EFCAB11: variants seen among roughly 807,000 people sequenced by gnomAD.
EFCAB11 encodes EF-hand calcium-binding domain-containing protein 11.
Under a neutral mutation model 23.0 loss-of-function variants are expected in EFCAB11, and 14 were observed. The ratio of observed to expected loss-of-function variants is 0.61; its 90% CI spans 0.40 to 0.95. The LOEUF (loss-of-function observed/expected upper bound fraction) is 0.95, where lower values mean the gene tolerates loss of function less well. EFCAB11 is among the 40% of genes least tolerant of loss of function. The pLI, the probability that EFCAB11 is intolerant of heterozygous loss-of-function variation, is 0.00. For missense variants in EFCAB11, 198 were observed against 195.8 expected, an observed-to-expected ratio of 1.01 and a Z score of -0.07; for synonymous variants, 65 against 66.6, an observed-to-expected ratio of 0.98 and a Z score of 0.11.
chr14:89,872,735 G>C (rs775281689), intron 5 of EFCAB11, among the ~76,000 whole-genome samples: 5 of 152,024 alleles, frequency 3.3e-5, no homozygotes, highest in Admixed American at 1.3e-4. Context: ...AAGTCATGCA[G>C]GTGGGCCCTA....
intron 5 of EFCAB11, among the ~76,000 whole-genome samples, chr14:89,907,985 C>A (rs886818568): frequency 6.6e-6 from 1 of 152,182 alleles, no homozygotes; most frequent in African/African-American, 2.4e-5. Flanking sequence ...ACAGTGAGCA[C>A]TAGATATCAG....
chr14:89,910,598 AATACATAC>A (rs34931708), intron 5 of EFCAB11, among the ~76,000 whole-genome samples: 21,909 of 147,442 alleles, frequency 0.15, 1,881 homozygotes, highest in East Asian at 0.26. Context: ...ATCTGTCTCA[AATACATAC>A]ATACATACAT....
At chr14:89,925,523 T>G (rs1260646403) in intron 5 of EFCAB11, among the ~76,000 whole-genome samples, 1 of 152,204 alleles carries the variant, frequency 6.6e-6, no homozygotes, top group Non-Finnish European at 1.5e-5. Context: ...TTATGTCTCT[T>G]GAACTTCTGC....
At chr14:89,880,896 T>TACATGCACATGC (rs946410117) in intron 5 of EFCAB11, among the ~76,000 whole-genome samples, 1 of 152,158 alleles carries the variant, frequency 6.6e-6, no homozygotes, top group African/African-American at 2.4e-5. Flanking sequence ...CATAGATGCC[T>TACATGCACATGC]ACATGCACAT....
rs550704331 is a variant in EFCAB11, at chr14:89,931,527, T to C, written c.410+14A>G. On this transcript the variant is annotated intron_variant, in intron 5 of 5. Coordinates refer to ENST00000316738, the MANE Select transcript of EFCAB11 (RefSeq NM_145231.4). The stretch of plus-strand genomic sequence containing the variant: ...AATCAAAAGGTGGTGTACAGAAGGA[T>C]TTTGATGCCTTACCTGAATACCTCA... 3.2e-5 allele frequency: 51 copies of C among 1,608,306 alleles called. No individual in the cohort carries two copies. The South Asian group carries it at 5.2e-4, about 17-fold the overall frequency.
intron 5 of EFCAB11, among the ~76,000 whole-genome samples, chr14:89,800,840 C>G (rs1406063306): frequency 6.6e-6 from 1 of 151,782 alleles, no homozygotes; most frequent in Non-Finnish European, 1.5e-5. Flanking sequence ...GTCAGGAGTT[C>G]GAGACCAGCC....
At chr14:89,839,266 T>C (rs1313027739) in intron 5 of EFCAB11, among the ~76,000 whole-genome samples, 1 of 152,156 alleles carries the variant, frequency 6.6e-6, no homozygotes, top group Non-Finnish European at 1.5e-5. Context: ...GTGTATTTAC[T>C]ATAAAAATAG....
intron 5 of EFCAB11, among the ~76,000 whole-genome samples, chr14:89,890,030 C>T (rs984238034): frequency 2.6e-5 from 4 of 152,044 alleles, no homozygotes; most frequent in African/African-American, 9.7e-5. Flanking sequence ...CCTTGGGGAC[C>T]CATCAACACA....
At chr14:89,911,636 C>G (rs1020457716) in intron 5 of EFCAB11, among the ~76,000 whole-genome samples, 11 of 152,236 alleles carry the variant, frequency 7.2e-5, no homozygotes, top group Admixed American at 1.3e-4. Context: ...TATCCACAGT[C>G]TTGAGATGAA....
intron 5 of EFCAB11, among the ~76,000 whole-genome samples, chr14:89,895,360 G>A (rs904548056): frequency 2.6e-5 from 4 of 152,128 alleles, no homozygotes; most frequent in African/African-American, 9.7e-5. Context: ...CTAGTTTCTG[G>A]AATTATTATG....
chr14:89,953,469 G>C (rs1891265607), intron 2 of EFCAB11, among the ~76,000 whole-genome samples: 1 of 152,222 alleles, frequency 6.6e-6, no homozygotes, highest in Admixed American at 6.5e-5. Context: ...GGACCCTCTG[G>C]TAGGCGGCGA....
intron 5 of EFCAB11, among the ~76,000 whole-genome samples, chr14:89,884,281 G>A (rs1177404300): frequency 6.6e-6 from 1 of 152,044 alleles, no homozygotes; most frequent in East Asian, 1.9e-4. Context: ...ACAGGGTAAA[G>A]GAGAAAAATA....
intron 5 of EFCAB11, among the ~76,000 whole-genome samples, chr14:89,920,083 T>A (rs774333769): frequency 3.3e-5 from 5 of 152,256 alleles, no homozygotes; most frequent in Non-Finnish European, 7.3e-5. Context: ...TTGATTTTTA[T>A]AATTTATTTG....
At chr14:89,877,825 C>T (rs1333596666) in intron 5 of EFCAB11, among the ~76,000 whole-genome samples, 2 of 152,164 alleles carry the variant, frequency 1.3e-5, no homozygotes, top group Non-Finnish European at 2.9e-5. Context: ...TATATTAAGA[C>T]ATTGGATAAC....
intron 5 of EFCAB11, among the ~76,000 whole-genome samples, chr14:89,850,797 A>C (rs762747816): frequency 3.9e-5 from 6 of 152,244 alleles, no homozygotes; most frequent in Non-Finnish European, 8.8e-5. Context: ...AGAGGAAGTT[A>C]ATAGAGGATT....
chr14:89,895,639 A>G (rs984231213), intron 5 of EFCAB11, among the ~76,000 whole-genome samples: 8 of 152,256 alleles, frequency 5.3e-5, no homozygotes, highest in African/African-American at 1.9e-4. Flanking sequence ...CGCCCTATTC[A>G]TAAATCAATT....
At chr14:89,950,226 G>A in intron 2 of EFCAB11, 84 bp from the exon 3 acceptor site, 1 of 1,392,590 alleles carries the variant, frequency 7.2e-7, no homozygotes. Context: ...GTGGGAATAA[G>A]GATCTATTTT....
intron 3 of EFCAB11, among the ~76,000 whole-genome samples, chr14:89,939,650 A>G (rs1424382489): frequency 6.6e-6 from 1 of 152,186 alleles, no homozygotes; most frequent in East Asian, 1.9e-4. Flanking sequence ...TGCCCTCCTG[A>G]ACTCTTATAG....
At chr14:89,829,861 A>C (rs1030642972) in intron 5 of EFCAB11, 2 of 152,234 alleles carry the variant, frequency 1.3e-5, no homozygotes, top group African/African-American at 4.8e-5. Flanking sequence ...ATGTCTAAAA[A>C]ATCCATGGAT....
Sources: allele counts gnomAD v4.1 joint callset (sites outside exome capture counted in the v4.1 genomes callset), GRCh38; gene constraint gnomAD v4.1.1; transcripts MANE v1.5; gene names NCBI Gene and HGNC (gene_info 2026-07-23, HGNC 2026-07-21).